The following WDFY1 variants were observed in gnomAD, a reference collection of about 807,000 sequenced individuals.
WDFY1 encodes the protein WD repeat and FYVE domain-containing protein 1.
A neutral mutation model predicts 56.4 loss-of-function variants in WDFY1; 32 were observed. The observed-to-expected ratio is 0.57, with a 90% CI of 0.43 to 0.76. The LOEUF is 0.76. WDFY1 is among the 30% of genes least tolerant of loss of function. The pLI is 0.00. For missense variants in WDFY1, 480 were observed against 545.7 expected, an observed-to-expected ratio of 0.88 and a Z score of 1.20; for synonymous variants, 192 against 197.3, an observed-to-expected ratio of 0.97 and a Z score of 0.23.
At chr2:223,905,097 T>G (rs775187119) in intron 4 of WDFY1, among the ~76,000 whole-genome samples, 28 of 152,214 alleles carry the variant, frequency 1.8e-4, no homozygotes, top group Non-Finnish European at 4.0e-4. Context: ...TTAAATCATT[T>G]TCAAATTGAG....
intron 8 of WDFY1, among the ~76,000 whole-genome samples, chr2:223,887,244 C>A (rs1693187674): frequency 6.6e-6 from 1 of 152,168 alleles, no homozygotes; most frequent in African/African-American, 2.4e-5. Context: ...GCAGGCTGTG[C>A]TGCCAATGGC....
intron 1 of WDFY1, among the ~76,000 whole-genome samples, chr2:223,937,364 G>A (rs1397964167): frequency 6.6e-6 from 1 of 152,118 alleles, no homozygotes; most frequent in Non-Finnish European, 1.5e-5. Context: ...AATAATAATA[G>A]CTAACACTTG....
At chr2:223,879,293 A>G (rs76040813) in intron 11 of WDFY1, among the ~76,000 whole-genome samples, 2,002 of 152,334 alleles carry the variant, frequency 0.013, 38 homozygotes, top group African/African-American at 0.045. Context: ...ATAATGTTTT[A>G]GTATAAATTC....
intron 1 of WDFY1, among the ~76,000 whole-genome samples, chr2:223,929,643 AAAAAAAATTT>A (rs1277774940): frequency 6.6e-6 from 1 of 151,938 alleles, no homozygotes; most frequent in African/African-American, 2.4e-5. Context: ...CACCTTCTCT[AAAAAAAATTT>A]AAAAAAATAA....
intron 1 of WDFY1, among the ~76,000 whole-genome samples, chr2:223,923,388 A>G (rs1693922739): frequency 6.6e-6 from 1 of 152,248 alleles, no homozygotes; most frequent in Non-Finnish European, 1.5e-5. Context: ...AAAAATTACT[A>G]TCCAGTAAAT....
intron 4 of WDFY1, among the ~76,000 whole-genome samples, chr2:223,901,775 A>G (rs1299624144): frequency 2.0e-5 from 3 of 152,332 alleles, no homozygotes; most frequent in African/African-American, 7.2e-5. Flanking sequence ...TTCAGAAAAC[A>G]CTGGCATTCT....
intron 1 of WDFY1, among the ~76,000 whole-genome samples, chr2:223,942,999 G>T (rs1432225117): frequency 2.0e-5 from 3 of 150,970 alleles, no homozygotes; most frequent in African/African-American, 7.3e-5. Flanking sequence ...TGACCAACAT[G>T]GTGAAACCCT....
In WDFY1 at chr2:223,893,164, TA is replaced by T. The variant is rs552037596; in HGVS notation, c.831+1069del. Among the ~76,000 whole-genome samples, 23 of 152,252 alleles carry T rather than the reference TA, an allele frequency of 1.5e-4. No individual in the cohort carries two copies. In the South Asian group the frequency reaches 4.6e-3, roughly 30 times the overall value. ...TTTCCAGAAATTTGTCTGAAATAAA[TA>T]ATTGATCAATCACACAATGACAAGG... On this transcript the variant is annotated intron_variant, in intron 8 of 11. Coordinates refer to ENST00000233055, the MANE Select transcript of WDFY1 (RefSeq NM_020830.5).
At chr2:223,885,034 G>A (rs1244337926) in intron 8 of WDFY1, among the ~76,000 whole-genome samples, 6 of 151,880 alleles carry the variant, frequency 4.0e-5, no homozygotes, top group Non-Finnish European at 8.8e-5. Flanking sequence ...TAGACATGGG[G>A]TTTTGCCATG....
At chr2:223,901,037 GT>G (rs1176656436) in intron 5 of WDFY1, 145 bp downstream of exon 5, 96 of 933,766 alleles carry the variant, frequency 1.0e-4, no homozygotes, top group Non-Finnish European at 1.3e-4. Context: ...ACTTTCCATG[GT>G]AAAAAAAAAA....
chr2:223,905,681 A>G (rs1693587435), intron 4 of WDFY1, among the ~76,000 whole-genome samples: 1 of 152,078 alleles, frequency 6.6e-6, no homozygotes, highest in Admixed American at 6.5e-5. Context: ...AGTGTGTGTT[A>G]TCAAAAAAAA....
rs1177491775 is a variant in WDFY1 at position 223,877,589 on chromosome 2, G to A, written c.*1082C>T. On this transcript the variant is annotated 3_prime_UTR_variant, in exon 12 of 12. Transcript: ENST00000233055. ...GCTAGTTGTTAGGAAAGCAATTTAT[G>A]AGTTGGGAATTATTGTGGAAGACTT... 6.6e-6 allele frequency: 1 copy of A among 152,216 alleles called. No individual in the cohort carries two copies. Among genetic ancestry groups the A allele is most frequent in the African/African-American group, 2.4e-5 (1 of 41,454 alleles). The allele number at this position is 152,216 out of a possible 1,614,324, so 9.4% of individuals were successfully genotyped here.
intron 2 of WDFY1, among the ~76,000 whole-genome samples, chr2:223,913,053 A>G (rs1693730202): frequency 6.6e-6 from 1 of 152,134 alleles, no homozygotes; most frequent in Non-Finnish European, 1.5e-5. Context: ...AAAACAAAAC[A>G]AACAAATTTG....
At chr2:223,878,822 T>C in intron 11 of WDFY1, 92 bp from the exon 12 acceptor site, 1 of 1,437,026 alleles carries the variant, frequency 7.0e-7, no homozygotes, top group Non-Finnish European at 9.6e-7. Context: ...CTGTTAAACC[T>C]GAAAAGGTGT....
chr2:223,932,664 G>A (rs1694098631), intron 1 of WDFY1, among the ~76,000 whole-genome samples: 1 of 151,712 alleles, frequency 6.6e-6, no homozygotes, highest in Admixed American at 6.6e-5. Context: ...CATTTTAAAA[G>A]GGCATACTAT....
At chr2:223,896,511 A>G (rs1693381434) in intron 6 of WDFY1, among the ~76,000 whole-genome samples, 1 of 152,222 alleles carries the variant, frequency 6.6e-6, no homozygotes, top group Admixed American at 6.5e-5. Flanking sequence ...TTCATACTTT[A>G]TATTGGCTAA....
intron 1 of WDFY1, among the ~76,000 whole-genome samples, chr2:223,928,741 G>C (rs1385028244): frequency 6.6e-6 from 1 of 152,204 alleles, no homozygotes; most frequent in Non-Finnish European, 1.5e-5. Flanking sequence ...CCATAAGGCA[G>C]ATGCCAGAGG....
chr2:223,877,425 G>C lies in WDFY1; in HGVS notation c.*1246C>G, dbSNP rs868176907. 108 of 151,992 alleles carry C rather than the reference G, an allele frequency of 7.1e-4. No individual in the cohort carries two copies. Among genetic ancestry groups the C allele is most frequent in the African/African-American group, 2.4e-3 (101 of 41,448 alleles). 9.4% of individuals were successfully genotyped at this position (151,992 alleles called of 1,614,324 possible). On this transcript the variant is annotated 3_prime_UTR_variant, in exon 12 of 12. Coordinates refer to ENST00000233055, the MANE Select transcript of WDFY1 (RefSeq NM_020830.5). Reference sequence around the variant, plus strand: ...TTACTTCCATATCCCTAGAGAAATAGATATATGTACTGTTGTCAAAAAAAA... The same window carrying C: ...TTACTTCCATATCCCTAGAGAAATACATATATGTACTGTTGTCAAAAAAAA...
chr2:223,878,833 C>G, intron 11 of WDFY1, 103 bp from the exon 12 acceptor site: 1 of 1,369,700 alleles, frequency 7.3e-7, no homozygotes, highest in Non-Finnish European at 1.0e-6. Flanking sequence ...GAAAAGGTGT[C>G]AAATTAATGA....
Sources: gnomAD v4.1 joint callset for allele counts (sites outside exome capture counted in the v4.1 genomes callset) on GRCh38, gnomAD v4.1.1 for gene constraint, MANE v1.5 for transcripts, NCBI Gene and HGNC (gene_info 2026-07-23, HGNC 2026-07-21) for gene names.